OR2L13: variants seen among roughly 807,000 people sequenced by gnomAD.
OR2L13 encodes olfactory receptor 2L13.
In OR2L13, 14 loss-of-function variants were observed where a neutral mutation model predicts 15.3. That is an observed-to-expected ratio of 0.91 (90% CI 0.60 to 1.43). The LOEUF is 1.43. OR2L13 is among the 40% of genes most tolerant of loss of function. OR2L13 has a pLI of 0.00. For missense variants in OR2L13, 367 were observed against 387.9 expected (o/e 0.95, Z 0.45); for synonymous variants, 152 against 142.9 (o/e 1.06, Z -0.45).
At chr1:247,976,750 C>T in the OR2L13 span, among the ~76,000 whole-genome samples, 3 of 152,276 alleles carry the variant, frequency 2.0e-5, no homozygotes, top group African/African-American at 7.2e-5. Context: ...TCTCCACTGG[C>T]TAATTCACTC....
chr1:248,083,353 A>C, the OR2L13 span, among the ~76,000 whole-genome samples: 5 of 152,110 alleles, frequency 3.3e-5, no homozygotes, highest in Non-Finnish European at 5.9e-5. Flanking sequence ...TCCATTGTTA[A>C]TTTCTTTTTT....
chr1:248,031,397 G>T, the OR2L13 span, among the ~76,000 whole-genome samples: 4 of 152,186 alleles, frequency 2.6e-5, no homozygotes, highest in African/African-American at 9.7e-5. Flanking sequence ...AGCAAGGTCT[G>T]GTAGAAAGAA....
the OR2L13 span, among the ~76,000 whole-genome samples, chr1:248,072,488 A>G: frequency 6.6e-6 from 1 of 152,314 alleles, no homozygotes; most frequent in East Asian, 1.9e-4. Context: ...AAGATGGATT[A>G]AAGACTTAAA....
At chr1:247,997,104 A>G in the OR2L13 span, 1 of 152,198 alleles carries the variant, frequency 6.6e-6, no homozygotes, top group African/African-American at 2.4e-5. Flanking sequence ...ATGCATATCA[A>G]AATAAATATA....
the OR2L13 span, among the ~76,000 whole-genome samples, chr1:247,987,330 G>A: frequency 6.6e-6 from 1 of 151,960 alleles, no homozygotes; most frequent in South Asian, 2.1e-4. Flanking sequence ...AAATTATCCT[G>A]CTTCCTTTCT....
the OR2L13 span, chr1:248,039,444 G>C: frequency 6.1e-6 from 2 of 326,750 alleles, no homozygotes; most frequent in East Asian, 1.3e-4. Context: ...CTTTTTAATG[G>C]ATTTTGGCTC....
chr1:247,949,067 A>G, the OR2L13 span: 2 of 1,613,896 alleles, frequency 1.2e-6, no homozygotes, highest in Non-Finnish European at 1.7e-6. Context: ...TCATTGACCT[A>G]AATTACATCT....
At chr1:247,957,129 A>T in the OR2L13 span, among the ~76,000 whole-genome samples, 2 of 136,074 alleles carry the variant, frequency 1.5e-5, no homozygotes, top group Non-Finnish European at 3.2e-5. Flanking sequence ...TTCAATACCT[A>T]ATTTATTGAG....
chr1:247,960,761 G>A, the OR2L13 span, among the ~76,000 whole-genome samples: 1 of 152,176 alleles, frequency 6.6e-6, no homozygotes, highest in Non-Finnish European at 1.5e-5. Flanking sequence ...TTAATCTCCT[G>A]GTGTGCCATT....
At chr1:248,008,296 T>C in the OR2L13 span, among the ~76,000 whole-genome samples, 1 of 152,200 alleles carries the variant, frequency 6.6e-6, no homozygotes, top group Non-Finnish European at 1.5e-5. Flanking sequence ...AGTTTCTCTA[T>C]TCTTTGATTT....
the OR2L13 span, among the ~76,000 whole-genome samples, chr1:247,953,939 T>A: frequency 6.6e-6 from 1 of 151,788 alleles, no homozygotes; most frequent in African/African-American, 2.4e-5. Context: ...TCTCTTTTTT[T>A]TTCTTTGTAA....
chr1:248,075,032 C>A, the OR2L13 span, among the ~76,000 whole-genome samples: 1 of 152,084 alleles, frequency 6.6e-6, no homozygotes, highest in East Asian at 1.9e-4. Context: ...AGACCCCCAG[C>A]CCCTGAGATT....
At chr1:248,066,929 T>C in the OR2L13 span, among the ~76,000 whole-genome samples, 2 of 152,232 alleles carry the variant, frequency 1.3e-5, no homozygotes, top group Non-Finnish European at 2.9e-5. Flanking sequence ...TGCTAAATAC[T>C]GATTCAATAG....
At chr1:248,011,306 G>A in the OR2L13 span, among the ~76,000 whole-genome samples, 1 of 152,122 alleles carries the variant, frequency 6.6e-6, no homozygotes, top group Admixed American at 6.6e-5. Flanking sequence ...TAGGGTTTCT[G>A]TAGAGAGATC....
chr1:248,001,352 T>G, the OR2L13 span, among the ~76,000 whole-genome samples: 6,549 of 151,892 alleles, frequency 0.043, 451 homozygotes, highest in African/African-American at 0.15. Flanking sequence ...GTTTAAGGTT[T>G]GTGGGTCCTA....
At chr1:247,951,375 A>G in the OR2L13 span, among the ~76,000 whole-genome samples, 2 of 152,268 alleles carry the variant, frequency 1.3e-5, no homozygotes, top group East Asian at 3.9e-4. Context: ...TGGTCATTTA[A>G]ATAATAATAA....
the OR2L13 span, among the ~76,000 whole-genome samples, chr1:247,972,131 A>C: frequency 6.6e-6 from 1 of 152,188 alleles, no homozygotes; most frequent in African/African-American, 2.4e-5. Context: ...TGTTTAGAGG[A>C]AAACTGATAG....
chr1:247,965,752 A>C, the OR2L13 span: 7 of 1,572,004 alleles, frequency 4.5e-6, no homozygotes, highest in Non-Finnish European at 6.0e-6. Flanking sequence ...CTATGTAGCT[A>C]TCTGTCACCC....
exon 3 of OR2L13, chr1:248,099,737 G>A (rs765402005): frequency 1.9e-5 from 31 of 1,613,950 alleles, no homozygotes; most frequent in Non-Finnish European, 2.4e-5. Flanking sequence ...GCCTACGACC[G>A]TTATTTGGCC....
Sources: gnomAD v4.1 joint callset for allele counts (sites outside exome capture counted in the v4.1 genomes callset) on GRCh38, gnomAD v4.1.1 for gene constraint, MANE v1.5 for transcripts, NCBI Gene and HGNC (gene_info 2026-07-23, HGNC 2026-07-21) for gene names.